The following KAT6B variants were observed in gnomAD, a reference collection of about 807,000 sequenced individuals.
KAT6B encodes lysine acetyltransferase 6B.
KAT6B carries 10 observed loss-of-function variants against 187.5 expected under a neutral mutation model. That is an observed-to-expected ratio of 0.05 (90% CI 0.03 to 0.09). KAT6B has a LOEUF of 0.09. Ranked by LOEUF, KAT6B falls within the 10% of genes least tolerant of loss-of-function variation. The pLI is 1.00. For missense variants in KAT6B, 1,952 were observed against 2,558.9 expected, an observed-to-expected ratio of 0.76 and a Z score of 5.12; for synonymous variants, 861 against 926.8, an observed-to-expected ratio of 0.93 and a Z score of 1.29.
At chr10:74,876,201 C>G (rs1356100021) in intron 3 of KAT6B, among the ~76,000 whole-genome samples, 1 of 151,990 alleles carries the variant, frequency 6.6e-6, no homozygotes, top group Non-Finnish European at 1.5e-5. Context: ...ATGTATCACC[C>G]CCTCCTTCTT....
chr10:74,862,555 TTTC>T lies in KAT6B; in HGVS notation c.621+19083_621+19085del, dbSNP rs140820697. Among the ~76,000 whole-genome samples, 828 of 152,308 alleles carry T rather than the reference TTTC, an allele frequency of 5.4e-3. 39 individuals are homozygous for T. The East Asian group carries it at 0.12, about 21-fold the overall frequency. On this transcript the variant is annotated intron_variant, in intron 3 of 17. Transcript: ENST00000287239. Reference sequence around the variant, plus strand: ...TGTGATGCCAGCATGCATCACATGCTTTCTTCTTTAATAGATGAACAAGTAGGA... The same window carrying T: ...TGTGATGCCAGCATGCATCACATGCTTTCTTTAATAGATGAACAAGTAGGA...
At chr10:74,977,117 T>G (rs1194966825) in intron 8 of KAT6B, 199 bp from the exon 9 acceptor site, 1 of 489,990 alleles carries the variant, frequency 2.0e-6, no homozygotes, top group Non-Finnish European at 3.7e-6. Flanking sequence ...AGTGATAAAT[T>G]CAAATAAAAA....
chr10:74,985,589 A>G (rs151115186), intron 12 of KAT6B, among the ~76,000 whole-genome samples: 1 of 152,296 alleles, frequency 6.6e-6, no homozygotes, highest in Non-Finnish European at 1.5e-5. Flanking sequence ...TTAAGAGAGA[A>G]TTCTCCTTTC....
intron 3 of KAT6B, among the ~76,000 whole-genome samples, chr10:74,865,005 A>C (rs1465006482): frequency 1.3e-5 from 2 of 152,210 alleles, no homozygotes; most frequent in African/African-American, 4.8e-5. Flanking sequence ...ATATGAGTAC[A>C]TTCTTCTTGA....
At chr10:75,022,691 G>A (rs1845531522) in intron 16 of KAT6B, among the ~76,000 whole-genome samples, 1 of 152,228 alleles carries the variant, frequency 6.6e-6, no homozygotes, top group Non-Finnish European at 1.5e-5. Context: ...AGCACTTTGG[G>A]AGGCCAAGGT....
intron 13 of KAT6B, among the ~76,000 whole-genome samples, chr10:74,999,416 G>A (rs888064340): frequency 1.3e-5 from 2 of 152,232 alleles, no homozygotes; most frequent in African/African-American, 2.4e-5. Flanking sequence ...ATGGATGTGG[G>A]TGAGGGCAAC....
intron 3 of KAT6B, among the ~76,000 whole-genome samples, chr10:74,893,626 C>T (rs1434190873): frequency 2.6e-5 from 4 of 151,932 alleles, no homozygotes; most frequent in African/African-American, 4.8e-5. Context: ...TGCACCACCA[C>T]GCCCAGCTAA....
chr10:74,993,533 A>G (rs1027953958), intron 13 of KAT6B, among the ~76,000 whole-genome samples: 1 of 152,230 alleles, frequency 6.6e-6, no homozygotes, highest in Non-Finnish European at 1.5e-5. Flanking sequence ...ACAAATTATT[A>G]AAATCAAGAT....
intron 10 of KAT6B, among the ~76,000 whole-genome samples, chr10:74,979,758 AG>A (rs1842391078): frequency 2.6e-5 from 4 of 152,134 alleles, no homozygotes; most frequent in Non-Finnish European, 5.9e-5. Flanking sequence ...TTTATTTTCA[AG>A]TTTTTAATAG....
intron 1 of KAT6B, among the ~76,000 whole-genome samples, chr10:74,830,769 T>TATATATGTATATATA (rs58702000): frequency 6.5e-4 from 5 of 7,738 alleles, no homozygotes; most frequent in African/African-American, 1.8e-3. Context: ...TATATATATA[T>TATATATGTATATATA]TTTTTTTTTT....
chr10:75,025,333 C>A, intron 17 of KAT6B, 84 bp downstream of exon 17: 1 of 1,376,530 alleles, frequency 7.3e-7, no homozygotes, highest in Non-Finnish European at 1.0e-6. Flanking sequence ...TGGCGTGATG[C>A]CCAGAGGCAC....
chr10:74,848,500 G>A (rs117189724), intron 3 of KAT6B, among the ~76,000 whole-genome samples: 1,597 of 151,864 alleles, frequency 0.011, 16 homozygotes, highest in Non-Finnish European at 0.017. Flanking sequence ...GCAACACTTC[G>A]TTTCAACAAC....
At chr10:75,005,833 G>T (rs896497044) in intron 13 of KAT6B, among the ~76,000 whole-genome samples, 1 of 151,956 alleles carries the variant, frequency 6.6e-6, no homozygotes. Context: ...ATAGAGGAAC[G>T]CTTTTTTTCA....
chr10:74,896,715 G>A (rs532522661), intron 3 of KAT6B, among the ~76,000 whole-genome samples: 1 of 152,334 alleles, frequency 6.6e-6, no homozygotes, highest in South Asian at 2.1e-4. Context: ...TATCTGCTAA[G>A]ATTTTGGCAG....
chr10:74,941,915 G>A (rs938735882), intron 3 of KAT6B, among the ~76,000 whole-genome samples: 2 of 152,202 alleles, frequency 1.3e-5, no homozygotes, highest in Admixed American at 6.5e-5. Context: ...GCCGAGGCGG[G>A]CAGATCACTT....
At chr10:74,872,705 G>A (rs1248042700) in intron 3 of KAT6B, among the ~76,000 whole-genome samples, 2 of 150,264 alleles carry the variant, frequency 1.3e-5, no homozygotes, top group Admixed American at 1.3e-4. Flanking sequence ...TTTGTAGAGA[G>A]GGGGTTCTGC....
chr10:74,989,015 T>C lies in KAT6B; in HGVS notation c.2536-4T>C. 1 of 1,607,610 alleles carries C rather than the reference T, an allele frequency of 6.2e-7. No homozygotes were observed. On this transcript the variant is annotated splice_polypyrimidine_tract_variant and splice_region_variant and intron_variant, in intron 12 of 17. Transcript: ENST00000287239. ...CATACTTGATCTGTTTCTCCTTCCC[T>C]CAGGAAAAGCTTTGCCAGCAGAAGT...
chr10:74,841,155 A>G (rs946591605), intron 2 of KAT6B, among the ~76,000 whole-genome samples: 16 of 152,222 alleles, frequency 1.1e-4, no homozygotes, highest in Non-Finnish European at 1.6e-4. Flanking sequence ...TAAGTTATCC[A>G]GGGTTCCTCC....
chr10:75,029,462 G>C lies in KAT6B; in HGVS notation c.4638G>C (p.Gln1546His). The change falls in exon 18 of 18, where the codon CAG (glutamine) becomes CAC (histidine). Residue 1546 changes from glutamine to histidine, a missense_variant. Coordinates refer to ENST00000287239, the MANE Select transcript of KAT6B (RefSeq NM_012330.4). The surrounding 1 kb of genome is among the most constrained non-coding windows in gnomAD (Gnocchi z 6.2). ...EIDSETVQAV[Q>H]SLTQESSEQD... ...ACTCTGAGACTGTCCAGGCCGTTCA[G>C]TCTTTGACCCAGGAGAGCAGCGAAC... 3 of 1,614,182 alleles carry C rather than the reference G, an allele frequency of 1.9e-6. No homozygotes were observed. The highest frequency in any genetic ancestry group is 2.5e-6 in the Non-Finnish European group (3 of 1,180,034).
Sources: gnomAD v4.1 joint callset for allele counts (sites outside exome capture counted in the v4.1 genomes callset) on GRCh38, gnomAD v4.1.1 for gene constraint, Gnocchi (gnomAD v3.1) non-coding constraint, MANE v1.5 for transcripts, NCBI Gene and HGNC (gene_info 2026-07-23, HGNC 2026-07-21) for gene names.